The following MOV10L1 variants were observed in gnomAD, a reference collection of about 807,000 sequenced individuals.
MOV10L1 encodes Mov10 like RNA helicase 1.
In MOV10L1, 110 loss-of-function variants were observed where a neutral mutation model predicts 143.8. That is an observed-to-expected ratio of 0.76 (90% CI 0.66 to 0.90). The LOEUF (loss-of-function observed/expected upper bound fraction) is 0.90, where lower values mean the gene tolerates loss of function less well. Ranked by LOEUF, MOV10L1 falls within the 40% of genes least tolerant of loss-of-function variation. The pLI is 0.00. For missense variants in MOV10L1, 1,406 were observed against 1,526.8 expected (o/e 0.92, Z 1.32); for synonymous variants, 593 against 581.1 (o/e 1.02, Z -0.29).
At chr22:50,105,257 A>G (rs984296091) in intron 3 of MOV10L1, among the ~76,000 whole-genome samples, 3 of 152,252 alleles carry the variant, frequency 2.0e-5, no homozygotes, top group East Asian at 1.9e-4. Flanking sequence ...GTCTTTTTGC[A>G]TCAATTCAGA....
In MOV10L1 at chr22:50,113,737, A is replaced by G. The variant is rs2062085832; in HGVS notation, c.833A>G (p.His278Arg). Reference protein sequence around the residue: ...KGDIEVTQVTHFGTLKEGRSK... With the variant: ...KGDIEVTQVTRFGTLKEGRSK... The stretch of plus-strand genomic sequence containing the variant: ...GATATTGAAGTTACACAGGTGACGC[A>G]TTTTGGAACCCTAAAGGAAGGAAGA... Residue 278 changes from histidine (H) to arginine (R), a missense_variant, in exon 6 of 27, where the codon CAT (histidine) becomes CGT (arginine). By Grantham distance (29) the His-to-Arg change is conservative (BLOSUM62 0). Coordinates refer to ENST00000262794, the MANE Select transcript of MOV10L1 (RefSeq NM_018995.3). 3.7e-6 allele frequency: 6 copies of G among 1,613,972 alleles called. No homozygotes were observed. In the South Asian group the frequency reaches 4.4e-5, roughly 12 times the overall value.
chr22:50,161,627 T>C lies in MOV10L1; in HGVS notation c.*178T>C. The C allele has an allele frequency of 1.7e-6, 1 of 588,468 alleles. No individual in the cohort carries two copies. The highest frequency in any genetic ancestry group is 2.3e-5 in the South Asian group (1 of 43,640). 36.5% of individuals were successfully genotyped at this position (588,468 alleles called of 1,614,324 possible). A position where few individuals can be genotyped will look rare whatever the true frequency, so the allele number is the denominator to read the frequency against. On this transcript the variant is annotated 3_prime_UTR_variant, in exon 27 of 27. Coordinates refer to ENST00000262794, the MANE Select transcript of MOV10L1 (RefSeq NM_018995.3). The stretch of plus-strand genomic sequence containing the variant: ...GCCCTGACTTTGGCATATGCCAGCC[T>C]GTTCCTGCCACAGGGCAGTCACTGC...
chr22:50,125,523 T>C lies in MOV10L1; in HGVS notation c.1701T>C (p.Val567=). Residue 567 remains valine, a synonymous_variant, in exon 11 of 27, where the codon GTT becomes GTC. Transcript: ENST00000262794. ...TAAGAAGGAATGGGGATCTGCTGGTTCTGGAGGTCCCAGGGTTGGCCGAAG... is the reference window on the plus strand; with the variant it reads ...TAAGAAGGAATGGGGATCTGCTGGTCCTGGAGGTCCCAGGGTTGGCCGAAG... The part of the protein sequence containing the change: ...IILRRNGDLL[V]LEVPGLAEGR... 1 of 1,614,214 alleles carries C rather than the reference T, an allele frequency of 6.2e-7. No individual in the cohort carries two copies.
Position 50,161,578 on chromosome 22 carries a change from G to T in MOV10L1, c.*129G>T. On this transcript the variant is annotated 3_prime_UTR_variant, in exon 27 of 27. Coordinates refer to ENST00000262794, the MANE Select transcript of MOV10L1 (RefSeq NM_018995.3). ...CAGGGTCGTGTGTGGGTGTGGGGCT[G>T]CCAGGTTGGACGCAGCTGCTGCTGC... is the stretch of plus-strand genomic sequence containing the variant. The T allele has an allele frequency of 1.1e-6, 1 of 933,522 alleles. No individual in the cohort carries two copies. Among genetic ancestry groups the T allele is most frequent in the Non-Finnish European group, 1.6e-6 (1 of 637,322 alleles). 57.8% of individuals were successfully genotyped at this position (933,522 alleles called of 1,614,324 possible). A position where few individuals can be genotyped will look rare whatever the true frequency, so the allele number is the denominator to read the frequency against.
Position 50,161,562 on chromosome 22 carries a change from G to A in MOV10L1, c.*113G>A. 9.4e-7 allele frequency: 1 copy of A among 1,065,520 alleles called. No homozygotes were observed. The highest frequency in any genetic ancestry group is 1.3e-6 in the Non-Finnish European group (1 of 746,166). 66.0% of individuals were successfully genotyped at this position (1,065,520 alleles called of 1,614,324 possible). ...TTGTCTCGCAGCCAGGCAGGGTCGT[G>A]TGTGGGTGTGGGGCTGCCAGGTTGG... On this transcript the variant is annotated 3_prime_UTR_variant, in exon 27 of 27. Coordinates refer to ENST00000262794, the MANE Select transcript of MOV10L1 (RefSeq NM_018995.3).
At chr22:50,134,184 T>C in intron 14 of MOV10L1, 119 bp downstream of exon 14, 1 of 748,008 alleles carries the variant, frequency 1.3e-6, no homozygotes, top group Non-Finnish European at 2.0e-6. Context: ...ACTTTTGTTA[T>C]ATTCATGTTT....
chr22:50,097,790 T>C (rs1371415746), intron 2 of MOV10L1, among the ~76,000 whole-genome samples: 1 of 152,168 alleles, frequency 6.6e-6, no homozygotes, highest in African/African-American at 2.4e-5. Context: ...TATATAAAAA[T>C]AGACCCATAG....
chr22:50,143,487 C>T (rs1210070996), intron 17 of MOV10L1, among the ~76,000 whole-genome samples: 1 of 152,208 alleles, frequency 6.6e-6, no homozygotes, highest in African/African-American at 2.4e-5. Context: ...AGAAGTTACT[C>T]TTATAGTAGC....
chr22:50,142,762 G>A (rs574418458), intron 16 of MOV10L1, among the ~76,000 whole-genome samples: 1 of 152,174 alleles, frequency 6.6e-6, no homozygotes, highest in South Asian at 2.1e-4. Context: ...CTTGAGCTCA[G>A]GAGATGGAGG....
intron 10 of MOV10L1, among the ~76,000 whole-genome samples, chr22:50,121,625 C>T (rs1220257260): frequency 6.6e-6 from 1 of 152,206 alleles, no homozygotes; most frequent in East Asian, 1.9e-4. Flanking sequence ...CGAGCGCAGT[C>T]CTCTGTCCCC....
At position 50,090,112 on chromosome 22, in the gene MOV10L1, G is replaced by A. The variant is rs1203236982; in HGVS notation, c.24G>A (p.Leu8=). MLSLAAK[L]VAFFWRTADT... Reference sequence around the variant, plus strand: ...CCATGCTGAGCCTCGCAGCCAAGCTGGTGGCCTTCTTCTGGAGGACGGCGG... The same window carrying A: ...CCATGCTGAGCCTCGCAGCCAAGCTAGTGGCCTTCTTCTGGAGGACGGCGG... Residue 8 remains leucine (L), a synonymous_variant, in exon 1 of 27, where the codon CTG becomes CTA. Transcript: ENST00000262794. 3 of 1,367,142 alleles carry A rather than the reference G, an allele frequency of 2.2e-6. No homozygotes were observed. The highest frequency in any genetic ancestry group is 2.8e-6 in the Non-Finnish European group (3 of 1,060,538). 84.7% of individuals were successfully genotyped at this position (1,367,142 alleles called of 1,614,324 possible).
chr22:50,124,538 T>G (rs909322230), intron 10 of MOV10L1, among the ~76,000 whole-genome samples: 2 of 152,200 alleles, frequency 1.3e-5, no homozygotes. Flanking sequence ...TTCTTCAGAT[T>G]TGGAAATTTT....
chr22:50,113,572 ATCC>A (rs2062080667), intron 5 of MOV10L1, 73 bp from the exon 6 acceptor site: 9 of 1,561,450 alleles, frequency 5.8e-6, no homozygotes, highest in Non-Finnish European at 7.8e-6. Flanking sequence ...CCAGCAGTCT[ATCC>A]TCAGGAGCGG....
At chr22:50,140,013 A>C (rs2062935353) in intron 15 of MOV10L1, among the ~76,000 whole-genome samples, 1 of 152,206 alleles carries the variant, frequency 6.6e-6, no homozygotes. Flanking sequence ...ACATAAGGCC[A>C]CGTGAGGACC....
At position 50,114,782 on chromosome 22, in the gene MOV10L1, G is replaced by A. The variant is rs547203517; in HGVS notation, c.1126+160G>A. Among the ~76,000 whole-genome samples the A allele has an allele frequency of 4.6e-5, 7 of 152,308 alleles. No individual in the cohort carries two copies. The South Asian group carries it at 6.2e-4, about 14-fold the overall frequency. ...GGCTTCAGGCCCTTCTCTTGCTGAC[G>A]ACGTTAGGGAGAGGGACAAAAAGCA... On this transcript the variant is annotated intron_variant, in intron 7 of 26. Transcript: ENST00000262794.
intron 3 of MOV10L1, among the ~76,000 whole-genome samples, chr22:50,107,354 G>A (rs541268010): frequency 6.6e-5 from 10 of 152,324 alleles, no homozygotes; most frequent in Non-Finnish European, 1.2e-4. Context: ...GAGCCACCGC[G>A]CTTGGCCTCT....
intron 22 of MOV10L1, among the ~76,000 whole-genome samples, chr22:50,157,148 G>A (rs2063447014): frequency 1.3e-5 from 2 of 152,198 alleles, no homozygotes; most frequent in South Asian, 4.1e-4. Flanking sequence ...CCATTTGTAT[G>A]TCTCCTTTGG....
intron 3 of MOV10L1, among the ~76,000 whole-genome samples, chr22:50,102,162 A>G (rs1411645096): frequency 1.3e-5 from 2 of 152,328 alleles, no homozygotes; most frequent in South Asian, 4.1e-4. Flanking sequence ...AGGCTGAGAG[A>G]GTCACACTCA....
chr22:50,099,663 A>G, intron 3 of MOV10L1, 61 bp downstream of exon 3: 2 of 1,553,574 alleles, frequency 1.3e-6, no homozygotes, highest in Non-Finnish European at 1.8e-6. Context: ...AAGAATTGTT[A>G]TGGACCAGGC....
Sources: gnomAD v4.1 joint callset for allele counts (sites outside exome capture counted in the v4.1 genomes callset) on GRCh38, gnomAD v4.1.1 for gene constraint, MANE v1.5 for transcripts, NCBI Gene and HGNC (gene_info 2026-07-23, HGNC 2026-07-21) for gene names.